Variants in SMIM31 observed in about 807,000 individuals in gnomAD.
SMIM31 encodes human epithelial cell program regulator.
chr4:164,797,083 G>GAA (rs1487822929), intron 2 of SMIM31, among the ~76,000 whole-genome samples: 1 of 152,076 alleles, frequency 6.6e-6, no homozygotes. Flanking sequence ...GACTCTTTTA[G>GAA]TTAATAATAT....
At chr4:164,755,451 GC>G (rs976151642) in intron 1 of SMIM31, among the ~76,000 whole-genome samples, 1 of 147,704 alleles carries the variant, frequency 6.8e-6, no homozygotes, top group Non-Finnish European at 1.5e-5. Context: ...CTGCACTCCA[GC>G]CTGGGCTACA....
chr4:164,798,131 C>T lies in SMIM31; in HGVS notation c.113-2960C>T, dbSNP rs148754763. ...ACCACATTTTCTTTATCCAATTATC[C>T]ATTGATGGACACTTAGGTTTAATTC... On this transcript the variant is annotated intron_variant, in intron 2 of 2. Coordinates refer to ENST00000507311, the MANE Select transcript of SMIM31 (RefSeq NM_001352885.1). 9.0e-3 allele frequency among the ~76,000 whole-genome samples: 1,363 copies of T among 152,258 alleles called. 17 individuals carry two copies. Among genetic ancestry groups the T allele is most frequent in the African/African-American group, 0.031 (1,299 of 41,554 alleles).
rs141402628 is a variant in SMIM31, at chr4:164,788,624, G to T, written c.113-12467G>T. Among the ~76,000 whole-genome samples the T allele has an allele frequency of 8.1e-3, 1,211 of 150,198 alleles. 14 individuals are homozygous for T. Among genetic ancestry groups the T allele is most frequent in the African/African-American group, 0.028 (1,136 of 40,914 alleles). On this transcript the variant is annotated intron_variant, in intron 2 of 2. Coordinates refer to ENST00000507311, the MANE Select transcript of SMIM31 (RefSeq NM_001352885.1). ...CCCACCTCAGCCTCTCGAGTAGCTGGGATTACAGGCATGCACCACCACGCC... is the reference window on the plus strand; with the variant it reads ...CCCACCTCAGCCTCTCGAGTAGCTGTGATTACAGGCATGCACCACCACGCC...
intron 2 of SMIM31, among the ~76,000 whole-genome samples, chr4:164,797,750 A>T (rs1273505774): frequency 2.0e-5 from 3 of 152,134 alleles, no homozygotes; most frequent in African/African-American, 7.2e-5. Flanking sequence ...GGTGTGAGCC[A>T]CCGCGCCTGG....
intron 2 of SMIM31, among the ~76,000 whole-genome samples, chr4:164,794,745 C>A (rs1733166202): frequency 6.6e-6 from 1 of 151,690 alleles, no homozygotes; most frequent in South Asian, 2.1e-4. Flanking sequence ...GTGGAGGTTG[C>A]AGTGAGCTGA....
intron 2 of SMIM31, among the ~76,000 whole-genome samples, chr4:164,784,858 C>T (rs1463416783): frequency 2.0e-5 from 3 of 150,936 alleles, no homozygotes; most frequent in Non-Finnish European, 2.9e-5. Context: ...TCTTTGCTAT[C>T]ATCAGCCGCT....
chr4:164,784,162 G>A (rs1732997540), intron 2 of SMIM31, among the ~76,000 whole-genome samples: 1 of 152,188 alleles, frequency 6.6e-6, no homozygotes, highest in Admixed American at 6.5e-5. Context: ...TAATACTGTG[G>A]GAGTGGTAAC....
chr4:164,794,887 G>A (rs1194569211), intron 2 of SMIM31, among the ~76,000 whole-genome samples: 3 of 150,922 alleles, frequency 2.0e-5, no homozygotes, highest in Non-Finnish European at 1.5e-5. Context: ...GGAAGAGAAA[G>A]TATAAAAATA....
chr4:164,757,626 T>C (rs944613082), intron 1 of SMIM31, among the ~76,000 whole-genome samples: 6 of 152,122 alleles, frequency 3.9e-5, no homozygotes, highest in African/African-American at 1.4e-4. Flanking sequence ...AGTTCCTTTT[T>C]TTTTTCCTAT....
intron 2 of SMIM31, among the ~76,000 whole-genome samples, chr4:164,793,919 G>C (rs1036793542): frequency 6.6e-6 from 1 of 152,224 alleles, no homozygotes; most frequent in South Asian, 2.1e-4. Flanking sequence ...CATGAGAAAA[G>C]CATCGTAGCA....
chr4:164,769,745 A>T (rs1357362449), intron 1 of SMIM31, among the ~76,000 whole-genome samples: 9 of 145,454 alleles, frequency 6.2e-5, no homozygotes, highest in Non-Finnish European at 1.2e-4. Flanking sequence ...TAAAGTATAA[A>T]AAAAAAAAAA....
chr4:164,758,144 C>A (rs1366147987), intron 1 of SMIM31, among the ~76,000 whole-genome samples: 2 of 151,834 alleles, frequency 1.3e-5, no homozygotes, highest in African/African-American at 4.8e-5. Flanking sequence ...TTGTTGAATT[C>A]TATTTAAAAT....
intron 2 of SMIM31, among the ~76,000 whole-genome samples, chr4:164,776,696 C>T (rs77762251): frequency 5.6e-4 from 85 of 152,294 alleles, no homozygotes; most frequent in Non-Finnish European, 7.5e-4. Flanking sequence ...CTCATCCCAG[C>T]ACCTAGAACA....
At chr4:164,787,391 T>C (rs1733038723) in intron 2 of SMIM31, 1 of 151,872 alleles carries the variant, frequency 6.6e-6, no homozygotes, top group African/African-American at 2.4e-5. Context: ...AGTGTTCAAT[T>C]AAAAAAAGAA....
chr4:164,758,640 T>G (rs1732600748), intron 1 of SMIM31, among the ~76,000 whole-genome samples: 1 of 130,710 alleles, frequency 7.7e-6, no homozygotes, highest in South Asian at 2.8e-4. Context: ...GTTTTTTTTT[T>G]TTTTTTTTTT....
chr4:164,781,815 G>C (rs1238552183), intron 2 of SMIM31, among the ~76,000 whole-genome samples: 1 of 152,180 alleles, frequency 6.6e-6, no homozygotes, highest in East Asian at 1.9e-4. Flanking sequence ...TTGTGGAAAA[G>C]GCCAAACCGC....
rs1553964704 is a variant in SMIM31 at position 164,758,638 on chromosome 4, T to TG, written c.-26+4227_-26+4228insG. On this transcript the variant is annotated intron_variant, in intron 1 of 2. Coordinates refer to ENST00000507311, the MANE Select transcript of SMIM31 (RefSeq NM_001352885.1). ...GTAGTTTTCCTTTTTTTGTTTTTTT[T>TG]TTTTTTTTTTTTTGAGACGGAGTCT... is the stretch of plus-strand genomic sequence containing the variant. 5.5e-5 allele frequency among the ~76,000 whole-genome samples: 7 copies of TG among 126,886 alleles called. No homozygotes were observed. The East Asian group carries it at 1.1e-3, about 20-fold the overall frequency. The allele number at this position is 126,886 out of a possible 152,430, so 83.2% of individuals were successfully genotyped here. A position where few individuals can be genotyped will look rare whatever the true frequency, so the allele number is the denominator to read the frequency against.
chr4:164,778,124 A>T (rs568680057), intron 2 of SMIM31, among the ~76,000 whole-genome samples: 1 of 152,368 alleles, frequency 6.6e-6, no homozygotes, highest in African/African-American at 2.4e-5. Context: ...GCAGTGGCTT[A>T]CGCCTGTGAT....
intron 2 of SMIM31, among the ~76,000 whole-genome samples, chr4:164,773,906 C>T (rs1178405551): frequency 6.6e-6 from 1 of 152,148 alleles, no homozygotes; most frequent in Non-Finnish European, 1.5e-5. Flanking sequence ...GTGGCTCACG[C>T]CTGTAATCCC....
Sources: allele counts gnomAD v4.1 joint callset (sites outside exome capture counted in the v4.1 genomes callset), GRCh38; gene constraint gnomAD v4.1.1; transcripts MANE v1.5; gene names NCBI Gene and HGNC (gene_info 2026-07-23, HGNC 2026-07-21).